EXTL3: variants seen among roughly 807,000 people sequenced by gnomAD.
EXTL3 encodes exostosin like glycosyltransferase 3.
Under a neutral mutation model 69.3 loss-of-function variants are expected in EXTL3, and 27 were observed. That is an observed-to-expected ratio of 0.39 (90% CI 0.29 to 0.54). EXTL3 has a LOEUF of 0.54. Ranked by LOEUF, EXTL3 falls within the 20% of genes least tolerant of loss-of-function variation. The probability of loss-of-function intolerance (pLI) is 0.69; values close to 1 mark genes in which losing one functional copy is unlikely to be tolerated. For synonymous variants in EXTL3, 511 were observed against 499.4 expected (o/e 1.02, Z -0.31); for missense variants, 1,003 against 1,231.8 (o/e 0.81, Z 2.78).
intron 6 of EXTL3, chr8:28,743,925 G>A (rs1469679759): frequency 6.6e-6 from 1 of 152,412 alleles, no homozygotes; most frequent in African/African-American, 2.4e-5. Flanking sequence ...TAAATTATTT[G>A]CTCACAACCA....
At chr8:28,675,350 A>C (rs951826580) in intron 1 of EXTL3, among the ~76,000 whole-genome samples, 1 of 152,214 alleles carries the variant, frequency 6.6e-6, no homozygotes, top group Non-Finnish European at 1.5e-5. Context: ...GCTGACATCA[A>C]GGCACCAAAA....
At chr8:28,706,232 T>C (rs1800920001) in intron 1 of EXTL3, among the ~76,000 whole-genome samples, 1 of 152,206 alleles carries the variant, frequency 6.6e-6, no homozygotes, top group African/African-American at 2.4e-5. Flanking sequence ...CTAAAATATA[T>C]TCCTAGAAAG....
At chr8:28,723,760 G>C (rs1333017894) in intron 3 of EXTL3, among the ~76,000 whole-genome samples, 1 of 150,582 alleles carries the variant, frequency 6.6e-6, no homozygotes, top group Non-Finnish European at 1.5e-5. Flanking sequence ...TTGTACCTCA[G>C]CCTCTTTTGT....
Position 28,750,753 on chromosome 8 carries a change from T to C in EXTL3, c.2647T>C (p.Phe883Leu). 1.9e-6 allele frequency: 3 copies of C among 1,614,188 alleles called. No homozygotes were observed. Among genetic ancestry groups the C allele is most frequent in the Non-Finnish European group, 2.5e-6 (3 of 1,180,020 alleles). The change falls in exon 7 of 7, where the codon TTC becomes CTC. Residue 883 changes from phenylalanine to leucine, a missense_variant. Physicochemically the swap from Phe to Leu is conservative, Grantham distance 22. Coordinates refer to ENST00000220562, the MANE Select transcript of EXTL3 (RefSeq NM_001440.4). The surrounding 1 kb of genome is among the most constrained non-coding windows in gnomAD (Gnocchi z 5.2). ...CGAGCGGCACAAGTGCATCAACTTC[T>C]TCGTGAAGGTGTACGGCTACATGCC... is the stretch of plus-strand genomic sequence containing the variant. ...FHERHKCINF[F>L]VKVYGYMPLL...
intron 1 of EXTL3, among the ~76,000 whole-genome samples, chr8:28,690,607 G>A (rs1800601208): frequency 6.6e-6 from 1 of 152,130 alleles, no homozygotes; most frequent in Non-Finnish European, 1.5e-5. Flanking sequence ...GGTCTTTCAT[G>A]AGACTGCAGT....
At chr8:28,667,768 G>A (rs1345358986) in intron 1 of EXTL3, among the ~76,000 whole-genome samples, 1 of 150,540 alleles carries the variant, frequency 6.6e-6, no homozygotes, top group Non-Finnish European at 1.5e-5. Context: ...TGTAAATGAC[G>A]AGTTAATGGG....
In EXTL3 at chr8:28,731,480, G is replaced by T. The variant is rs1257152425; in HGVS notation, c.2276+130G>T. 5 of 927,842 alleles carry T rather than the reference G, an allele frequency of 5.4e-6. No homozygotes were observed. In the East Asian group the frequency reaches 1.3e-4, roughly 24 times the overall value. 57.5% of individuals were successfully genotyped at this position (927,842 alleles called of 1,614,324 possible). On this transcript the variant is annotated intron_variant, in intron 4 of 6. Coordinates refer to ENST00000220562, the MANE Select transcript of EXTL3 (RefSeq NM_001440.4). ...CAGATAGTCAGGGCTGATGTAGGAC[G>T]TGGCTGGATGCAGGCTCGTAGATGG...
intron 2 of EXTL3, among the ~76,000 whole-genome samples, chr8:28,714,576 GT>G (rs1801101174): frequency 1.3e-5 from 2 of 152,186 alleles, no homozygotes. Flanking sequence ...TACTTAGCAT[GT>G]CTTAGCCCTG....
intron 5 of EXTL3, 107 bp from the exon 6 acceptor site, chr8:28,742,979 A>T: frequency 8.4e-7 from 1 of 1,193,062 alleles, no homozygotes; most frequent in Non-Finnish European, 1.2e-6. Flanking sequence ...AATACCTCCT[A>T]GTTACTGCCA....
At chr8:28,732,273 A>G (rs1195004031) in intron 4 of EXTL3, among the ~76,000 whole-genome samples, 2 of 152,176 alleles carry the variant, frequency 1.3e-5, no homozygotes, top group African/African-American at 4.8e-5. Flanking sequence ...GTTACCTGTT[A>G]ATGGTGAGGT....
chr8:28,624,184 T>TGG, intron 1 of EXTL3, among the ~76,000 whole-genome samples: 1 of 152,260 alleles, frequency 6.6e-6, no homozygotes, highest in Non-Finnish European at 1.5e-5. Flanking sequence ...TACTTTGCTC[T>TGG]GGAATTATCA....
At chr8:28,723,807 A>T (rs1344325448) in intron 3 of EXTL3, among the ~76,000 whole-genome samples, 1 of 151,776 alleles carries the variant, frequency 6.6e-6, no homozygotes, top group Admixed American at 6.6e-5. Context: ...ACGCCTGGCT[A>T]ATTTTTGTAT....
At chr8:28,660,838 C>CTTTTTTTTTTTTTTTTTTTTTTTT (rs58151386) in intron 1 of EXTL3, among the ~76,000 whole-genome samples, 1 of 46,970 alleles carries the variant, frequency 2.1e-5, no homozygotes, top group Non-Finnish European at 3.4e-5. Context: ...CGATTTTTGG[C>CTTTTTTTTTTTTTTTTTTTTTTTT]TTTTTTTTTT....
intron 3 of EXTL3, among the ~76,000 whole-genome samples, chr8:28,721,921 C>T (rs1383762728): frequency 6.6e-6 from 1 of 152,160 alleles, no homozygotes; most frequent in East Asian, 1.9e-4. Flanking sequence ...TCACTCAAGG[C>T]ATCACTTCCC....
intron 1 of EXTL3, among the ~76,000 whole-genome samples, chr8:28,692,407 T>G (rs1402015218): frequency 2.0e-5 from 3 of 152,220 alleles, no homozygotes; most frequent in Non-Finnish European, 4.4e-5. Flanking sequence ...CCTTTTGGGT[T>G]GAGAATTAAT....
rs376008243 is a variant in EXTL3, at chr8:28,648,352, T to A, written c.-53+25542T>A. The stretch of plus-strand genomic sequence containing the variant: ...CCTCAGCTCCTCCAGCTCCCCCATA[T>A]CCCTCTTCCTCTGCCAGTCTGCAGT... On this transcript the variant is annotated intron_variant, in intron 1 of 6. Coordinates refer to the EXTL3 transcript ENST00000523149. Among the ~76,000 whole-genome samples, 90 of 152,244 alleles carry A rather than the reference T, an allele frequency of 5.9e-4. 1 individual carries two copies. The highest frequency in any genetic ancestry group is 2.0e-3 in the African/African-American group (84 of 41,556).
At chr8:28,659,286 G>A (rs960562592) in intron 1 of EXTL3, among the ~76,000 whole-genome samples, 2 of 151,940 alleles carry the variant, frequency 1.3e-5, no homozygotes, top group African/African-American at 4.8e-5. Flanking sequence ...CAGTTAGAGG[G>A]CAAGTTTATT....
intron 1 of EXTL3, among the ~76,000 whole-genome samples, chr8:28,687,335 A>G (rs1166702978): frequency 1.3e-5 from 2 of 152,144 alleles, no homozygotes; most frequent in South Asian, 2.1e-4. Flanking sequence ...GTGCAGCGGC[A>G]TGCGCCTGTA....
chr8:28,692,108 T>G (rs240931), intron 1 of EXTL3, among the ~76,000 whole-genome samples: 1 of 152,124 alleles, frequency 6.6e-6, no homozygotes, highest in Admixed American at 6.5e-5. Flanking sequence ...TCTAAATACC[T>G]CTTCACTTTA....
Sources: gnomAD v4.1 joint callset for allele counts (sites outside exome capture counted in the v4.1 genomes callset) on GRCh38, gnomAD v4.1.1 for gene constraint, Gnocchi (gnomAD v3.1) non-coding constraint, MANE v1.5 for transcripts, NCBI Gene and HGNC (gene_info 2026-07-23, HGNC 2026-07-21) for gene names.